TMEM87B: variants seen among roughly 807,000 people sequenced by gnomAD.
TMEM87B encodes transmembrane protein 87B.
A neutral mutation model predicts 80.3 loss-of-function variants in TMEM87B; 83 were observed. The ratio of observed to expected loss-of-function variants is 1.03; its 90% CI spans 0.87 to 1.24. The LOEUF (loss-of-function observed/expected upper bound fraction) is 1.24, where lower values mean the gene tolerates loss of function less well. Ranked by LOEUF, TMEM87B falls within the 50% of genes most tolerant of loss-of-function variation. The probability of loss-of-function intolerance (pLI) is 0.00; values close to 1 mark genes in which losing one functional copy is unlikely to be tolerated. For synonymous variants in TMEM87B, 219 were observed against 230.5 expected (o/e 0.95, Z 0.45); for missense variants, 625 against 674.4 (o/e 0.93, Z 0.81).
intron 4 of TMEM87B, among the ~76,000 whole-genome samples, chr2:112,071,750 T>C (rs1678644953): frequency 6.6e-6 from 1 of 152,204 alleles, no homozygotes; most frequent in African/African-American, 2.4e-5. Flanking sequence ...TGACTTCTTC[T>C]CTTCCTATTT....
In TMEM87B at chr2:112,098,601, A is replaced by G. The variant is rs770449584; in HGVS notation, c.1279A>G (p.Met427Val). Residue 427 changes from methionine (M) to valine (V), a missense_variant, in exon 14 of 19, where the codon ATG becomes GTG. Met to Val is a conservative substitution (Grantham distance 21, BLOSUM62 1). Transcript: ENST00000283206. Reference protein sequence around the residue: ...FRIAKCQSDWMERWVDDAFWS... With the variant: ...FRIAKCQSDWVERWVDDAFWS... ...TGAATTGTCCTTCTTTTAGGATTGG[A>G]TGGAACGCTGGGTTGACGATGCATT... The G allele has an allele frequency of 1.9e-6, 3 of 1,613,976 alleles. No homozygotes were observed. In the African/African-American group the frequency reaches 4.0e-5, roughly 22 times the overall value.
intron 1 of TMEM87B, 142 bp downstream of exon 1, chr2:112,055,898 C>A: frequency 8.6e-7 from 1 of 1,156,690 alleles, no homozygotes; most frequent in South Asian, 2.1e-5. Flanking sequence ...AGCCTTTTGT[C>A]TGTTACAGCC....
chr2:112,095,108 T>A, intron 11 of TMEM87B: 3 of 894,858 alleles, frequency 3.4e-6, no homozygotes, highest in Non-Finnish European at 4.0e-6. Flanking sequence ...CCTGTGGCCC[T>A]TCCTCCCCTT....
rs577686358 is a variant in TMEM87B, at chr2:112,118,872, A to G, written c.*2729A>G. The G allele has an allele frequency of 6.6e-6, 1 of 152,308 alleles. No homozygotes were observed. Among genetic ancestry groups the G allele is most frequent in the East Asian group, 1.9e-4 (1 of 5,194 alleles). The allele number at this position is 152,308 out of a possible 1,614,324, so 9.4% of individuals were successfully genotyped here. ...GGCTGTACATGACTAAAGTTGACAG[A>G]TGCTATGCTAGATTTATAATCACTA... On this transcript the variant is annotated 3_prime_UTR_variant, in exon 19 of 19. Coordinates refer to ENST00000283206, the MANE Select transcript of TMEM87B (RefSeq NM_032824.3).
intron 11 of TMEM87B, among the ~76,000 whole-genome samples, chr2:112,094,463 T>C (rs1679399287): frequency 1.3e-5 from 2 of 152,192 alleles, no homozygotes; most frequent in Admixed American, 6.5e-5. Flanking sequence ...GCCCTGCCGA[T>C]TTCTTGTTCT....
chr2:112,072,023 G>T (rs1212268819), intron 4 of TMEM87B, among the ~76,000 whole-genome samples: 1 of 152,130 alleles, frequency 6.6e-6, no homozygotes, highest in Non-Finnish European at 1.5e-5. Context: ...AGCCTTTTCT[G>T]TATCTATTGA....
At chr2:112,069,421 T>C (rs1375869053) in intron 4 of TMEM87B, among the ~76,000 whole-genome samples, 1 of 152,164 alleles carries the variant, frequency 6.6e-6, no homozygotes, top group Non-Finnish European at 1.5e-5. Flanking sequence ...ACATGCGGTA[T>C]TTGGTTTTCT....
Position 112,055,638 on chromosome 2 carries a change from G to C in TMEM87B, c.47G>C (p.Arg16Pro), listed in dbSNP as rs1345260568. ...RSVAGLLPRR[R>P]RCFPARAPLL... Reference sequence around the variant, plus strand: ...GTAGCCGGGCTCCTGCCACGCCGCCGCCGCTGCTTTCCCGCCCGGGCCCCG... The same window carrying C: ...GTAGCCGGGCTCCTGCCACGCCGCCCCCGCTGCTTTCCCGCCCGGGCCCCG... Residue 16 changes from arginine to proline, a missense_variant, in exon 1 of 19, where the codon CGC becomes CCC. Coordinates refer to ENST00000283206, the MANE Select transcript of TMEM87B (RefSeq NM_032824.3). 1 of 1,556,344 alleles carries C rather than the reference G, an allele frequency of 6.4e-7. No individual in the cohort carries two copies. Among genetic ancestry groups the C allele is most frequent in the Non-Finnish European group, 8.7e-7 (1 of 1,153,664 alleles).
intron 15 of TMEM87B, among the ~76,000 whole-genome samples, chr2:112,103,417 T>TA (rs900447242): frequency 3.3e-5 from 5 of 151,330 alleles, no homozygotes; most frequent in African/African-American, 7.3e-5. Context: ...CTAGCTGACT[T>TA]AAAAAAAAAT....
At chr2:112,064,714 G>C (rs1462136809) in intron 3 of TMEM87B, among the ~76,000 whole-genome samples, 6 of 152,182 alleles carry the variant, frequency 3.9e-5, no homozygotes, top group African/African-American at 1.4e-4. Context: ...GCTGAGCAAG[G>C]CTTTTCCTGC....
intron 14 of TMEM87B, 106 bp downstream of exon 14, chr2:112,098,804 A>T (rs1309451626): frequency 7.6e-6 from 8 of 1,058,754 alleles, no homozygotes; most frequent in Non-Finnish European, 1.1e-5. Context: ...GCTTTTAAGG[A>T]GTATACAGTC....
rs569545732 is a variant in TMEM87B at position 112,059,371 on chromosome 2, A to T, written c.166-606A>T. On this transcript the variant is annotated intron_variant, in intron 1 of 18. Coordinates refer to ENST00000283206, the MANE Select transcript of TMEM87B (RefSeq NM_032824.3). ...AGAATTCCTGCAGAACGGGCTTTTGAGCTGGGCTTTGAAGGGTGAGAAGGA... is the reference window on the plus strand; with the variant it reads ...AGAATTCCTGCAGAACGGGCTTTTGTGCTGGGCTTTGAAGGGTGAGAAGGA... 2.6e-5 allele frequency among the ~76,000 whole-genome samples: 4 copies of T among 151,784 alleles called. No homozygotes were observed. The South Asian group carries it at 8.3e-4, about 32-fold the overall frequency.
intron 6 of TMEM87B, among the ~76,000 whole-genome samples, chr2:112,079,203 C>G (rs893510353): frequency 6.6e-6 from 1 of 151,852 alleles, no homozygotes; most frequent in Non-Finnish European, 1.5e-5. Context: ...CAATAGAACT[C>G]AAAAAAAGAA....
chr2:112,079,926 C>CTTTTTTTTTTTTTTTT (rs61341379), intron 6 of TMEM87B, among the ~76,000 whole-genome samples: 1 of 84,006 alleles, frequency 1.2e-5, no homozygotes, highest in Non-Finnish European at 2.2e-5. Context: ...GGTCCCTTGC[C>CTTTTTTTTTTTTTTTT]TTTTTTTTTT....
intron 5 of TMEM87B, among the ~76,000 whole-genome samples, chr2:112,075,946 A>T (rs1488632911): frequency 6.6e-6 from 1 of 152,244 alleles, no homozygotes; most frequent in Non-Finnish European, 1.5e-5. Flanking sequence ...TGGAGAATTT[A>T]CAAGCATTAC....
intron 2 of TMEM87B, 63 bp from the exon 3 acceptor site, chr2:112,064,099 C>T: frequency 7.1e-7 from 1 of 1,400,928 alleles, no homozygotes; most frequent in Non-Finnish European, 9.9e-7. Context: ...TTCTCAAAAC[C>T]TTAAGTTTAT....
intron 10 of TMEM87B, among the ~76,000 whole-genome samples, chr2:112,091,271 C>T (rs548326356): frequency 4.3e-4 from 65 of 151,960 alleles, no homozygotes; most frequent in African/African-American, 1.6e-3. Flanking sequence ...ACATAGCCAA[C>T]ATCTTAGATA....
At chr2:112,065,935 A>G (rs1396899717) in intron 3 of TMEM87B, among the ~76,000 whole-genome samples, 1 of 152,124 alleles carries the variant, frequency 6.6e-6, no homozygotes, top group Non-Finnish European at 1.5e-5. Context: ...CAAGTTATAC[A>G]TTTTTGGCAG....
At chr2:112,077,753 T>C (rs1261043813) in intron 6 of TMEM87B, among the ~76,000 whole-genome samples, 1 of 152,226 alleles carries the variant, frequency 6.6e-6, no homozygotes, top group African/African-American at 2.4e-5. Flanking sequence ...GCTTCTGTGG[T>C]CTGTGAGGCA....
Sources: allele counts gnomAD v4.1 joint callset (sites outside exome capture counted in the v4.1 genomes callset), GRCh38; gene constraint gnomAD v4.1.1; transcripts MANE v1.5; gene names NCBI Gene and HGNC (gene_info 2026-07-23, HGNC 2026-07-21).